The following TRIM37 variants were observed in gnomAD, a reference collection of about 807,000 sequenced individuals.
TRIM37 encodes tripartite motif containing 37, also known as E3 ubiquitin-protein ligase TRIM37.
TRIM37 carries 80 observed loss-of-function variants against 129.8 expected under a neutral mutation model. The ratio of observed to expected loss-of-function variants is 0.62; its 90% confidence interval spans 0.51 to 0.74. The LOEUF is 0.74. TRIM37 is among the 30% of genes least tolerant of loss of function. TRIM37 has a pLI of 0.00. For synonymous variants in TRIM37, 389 were observed against 387.1 expected, an observed-to-expected ratio of 1.00 and a Z score of -0.06; for missense variants, 1,054 against 1,176.5, an observed-to-expected ratio of 0.90 and a Z score of 1.52.
intron 2 of TRIM37, among the ~76,000 whole-genome samples, chr17:59,102,823 A>T (rs1351097764): frequency 6.6e-6 from 1 of 152,226 alleles, no homozygotes; most frequent in Admixed American, 6.5e-5. Context: ...GTTACGGATA[A>T]TACTCTTGAC....
rs9907756 is a variant in TRIM37, at chr17:59,009,396, T to C, written c.2695+2932A>G. 2.0e-3 allele frequency among the ~76,000 whole-genome samples: 304 copies of C among 151,788 alleles called. 2 individuals carry two copies. Among genetic ancestry groups the C allele is most frequent in the Middle Eastern group, 0.017 (5 of 292 alleles). On this transcript the variant is annotated intron_variant, in intron 22 of 23. Coordinates refer to ENST00000262294, the MANE Select transcript of TRIM37 (RefSeq NM_015294.6). Reference sequence around the variant, plus strand: ...GCCCACCTCGGCCTTCCCAAAGTGCTGGGATTACAGGCATTAGCCAACATG... The same window carrying C: ...GCCCACCTCGGCCTTCCCAAAGTGCCGGGATTACAGGCATTAGCCAACATG...
In TRIM37 at chr17:58,999,442, GA is replaced by G; in HGVS notation, c.2829del (p.Pro944LeufsTer6). ...QPPDEDTHSS[F>X]PDGEQIGPED... ...TCAGGGCCTATTTGTTCACCATCAG[GA>G]AAACTGGAATGTGTATCTATGATTA... On this transcript the variant is annotated frameshift_variant, in exon 24 of 24. Coordinates refer to ENST00000262294, the MANE Select transcript of TRIM37 (RefSeq NM_015294.6). LOFTEE classifies it high-confidence loss of function. 3 of 1,612,996 alleles carry G rather than the reference GA, an allele frequency of 1.9e-6. No homozygotes were observed. Among genetic ancestry groups the G allele is most frequent in the East Asian group, 4.5e-5 (2 of 44,824 alleles).
At chr17:59,023,791 T>C (rs1215242408) in intron 19 of TRIM37, among the ~76,000 whole-genome samples, 1 of 152,070 alleles carries the variant, frequency 6.6e-6, no homozygotes, top group Admixed American at 6.6e-5. Context: ...ACTAAGAAAC[T>C]GTTGAGGTAC....
At chr17:59,041,645 A>G (rs530741204) in intron 17 of TRIM37, among the ~76,000 whole-genome samples, 168 bp downstream of exon 17, 24 of 152,360 alleles carry the variant, frequency 1.6e-4, no homozygotes, top group Admixed American at 5.2e-4. Flanking sequence ...CTATTGTTTT[A>G]AATATCTTTA....
chr17:58,994,090 CAT>C (rs2032729880), downstream of TRIM37, among the ~76,000 whole-genome samples: 1 of 152,130 alleles, frequency 6.6e-6, no homozygotes, highest in Admixed American at 6.5e-5. Flanking sequence ...CAAGTACATA[CAT>C]ATATTGTAGC....
chr17:59,039,912 T>A (rs2038965661), intron 17 of TRIM37, among the ~76,000 whole-genome samples: 1 of 152,160 alleles, frequency 6.6e-6, no homozygotes, highest in Non-Finnish European at 1.5e-5. Flanking sequence ...TTATTTCTAT[T>A]TTTGACACAG....
chr17:59,012,479 T>C, intron 21 of TRIM37, 33 bp from the exon 22 acceptor site: 1 of 1,356,196 alleles, frequency 7.4e-7, no homozygotes, highest in South Asian at 1.2e-5. Flanking sequence ...TATTTCTCTA[T>C]AACTAGTGAC....
intron 19 of TRIM37, among the ~76,000 whole-genome samples, chr17:59,022,653 T>G (rs893683462): frequency 1.3e-5 from 2 of 152,186 alleles, no homozygotes; most frequent in African/African-American, 4.8e-5. Context: ...GCATGTGACT[T>G]AGAATAGTTA....
chr17:59,093,483 T>G (rs996197465), intron 2 of TRIM37, among the ~76,000 whole-genome samples: 1 of 152,202 alleles, frequency 6.6e-6, no homozygotes, highest in Non-Finnish European at 1.5e-5. Flanking sequence ...CATAAGTTGC[T>G]TTCTCCAAAA....
chr17:58,979,942 C>T, downstream of TRIM37: 1 of 1,544,864 alleles, frequency 6.5e-7, no homozygotes, highest in Non-Finnish European at 8.8e-7. Flanking sequence ...AAAACAAATG[C>T]TAATGATGCC....
chr17:59,057,012 A>G lies in TRIM37; in HGVS notation c.1062T>C (p.Asp354=). The G allele has an allele frequency of 6.2e-7, 1 of 1,613,742 alleles. No homozygotes were observed. The highest frequency in any genetic ancestry group is 8.5e-7 in the Non-Finnish European group (1 of 1,179,902). Residue 354 remains aspartate, a synonymous_variant, in exon 13 of 24, where the codon GAT becomes GAC. Transcript: ENST00000262294. ...RVEMVHQSCN[D]PTKNIIREFA... Reference sequence around the variant, plus strand: ...ATTCTCGAATGATATTTTTTGTAGGATCATTACAGGACTGGTGAACCATCT... The same window carrying G: ...ATTCTCGAATGATATTTTTTGTAGGGTCATTACAGGACTGGTGAACCATCT...
chr17:59,101,870 C>T (rs1156380660), intron 2 of TRIM37, among the ~76,000 whole-genome samples: 4 of 149,756 alleles, frequency 2.7e-5, no homozygotes, highest in East Asian at 1.9e-4. Flanking sequence ...ACCTGGGAGG[C>T]GGAGGTCGTA....
At chr17:59,046,771 A>C (rs1481189650) in intron 16 of TRIM37, among the ~76,000 whole-genome samples, 2 of 148,306 alleles carry the variant, frequency 1.3e-5, no homozygotes, top group Non-Finnish European at 1.5e-5. Context: ...GGATCTCCTG[A>C]CCTCGTGATC....
At chr17:59,053,750 T>C (rs2146263119) in intron 13 of TRIM37, among the ~76,000 whole-genome samples, 1 of 152,258 alleles carries the variant, frequency 6.6e-6, no homozygotes, top group South Asian at 2.1e-4. Context: ...GGTGAATAGT[T>C]AAACCCCAAA....
intron 1 of TRIM37, among the ~76,000 whole-genome samples, chr17:59,104,672 G>C (rs1255013345): frequency 1.3e-5 from 2 of 152,088 alleles, no homozygotes; most frequent in Non-Finnish European, 2.9e-5. Flanking sequence ...AATTATAATG[G>C]CAAGAATCTA....
downstream of TRIM37, among the ~76,000 whole-genome samples, chr17:58,977,852 C>T (rs1381941990): frequency 6.6e-6 from 1 of 152,186 alleles, no homozygotes; most frequent in Non-Finnish European, 1.5e-5. Flanking sequence ...AAACAATTCT[C>T]CTGCCTCAGC....
chr17:59,056,356 T>G (rs1215632782), intron 13 of TRIM37, among the ~76,000 whole-genome samples: 1 of 152,098 alleles, frequency 6.6e-6, no homozygotes, highest in Non-Finnish European at 1.5e-5. Context: ...TTTAATGGAA[T>G]TGCTAACTAG....
intron 13 of TRIM37, among the ~76,000 whole-genome samples, chr17:59,055,989 C>T (rs2040833300): frequency 1.3e-5 from 2 of 152,092 alleles, no homozygotes; most frequent in Admixed American, 6.6e-5. Flanking sequence ...GACTCTTCTA[C>T]TTTTAATTTG....
At chr17:58,982,362 A>AT (rs534918802), downstream of TRIM37, 2 of 152,424 alleles carry the variant, frequency 1.3e-5, no homozygotes, top group South Asian at 4.1e-4. Flanking sequence ...GCAGCCTCTG[A>AT]TTCTCTAAGA....
Sources: allele counts gnomAD v4.1 joint callset (sites outside exome capture counted in the v4.1 genomes callset), GRCh38; gene constraint gnomAD v4.1.1; transcripts MANE v1.5; gene names NCBI Gene and HGNC (gene_info 2026-07-23, HGNC 2026-07-21).